COMMD10: variants seen among roughly 807,000 people sequenced by gnomAD.
COMMD10 encodes the protein COMM domain containing 10.
Under a neutral mutation model 28.9 loss-of-function variants are expected in COMMD10, and 33 were observed. The observed-to-expected ratio is 1.14, with a 90% confidence interval of 0.87 to 1.53. The LOEUF (loss-of-function observed/expected upper bound fraction) is 1.53, where lower values mean the gene tolerates loss of function less well. Ranked by LOEUF, COMMD10 falls within the 40% of genes most tolerant of loss-of-function variation. COMMD10 has a pLI of 0.00. For missense variants in COMMD10, 310 were observed against 233.4 expected, an observed-to-expected ratio of 1.33 and a Z score of -2.14; for synonymous variants, 110 against 81.7, an observed-to-expected ratio of 1.35 and a Z score of -1.87.
chr5:116,268,238 T>C (rs250326), intron 5 of COMMD10, among the ~76,000 whole-genome samples: 2 of 151,624 alleles, frequency 1.3e-5, no homozygotes, highest in Non-Finnish European at 2.9e-5. Flanking sequence ...ACAAAGAACT[T>C]AAACAAATTT....
chr5:116,269,890 C>T (rs1252715292), intron 5 of COMMD10, among the ~76,000 whole-genome samples: 2 of 151,692 alleles, frequency 1.3e-5, no homozygotes, highest in African/African-American at 2.4e-5. Context: ...ATTTTTTACC[C>T]CATTTCTGCA....
At chr5:116,152,090 A>G (rs1398575626) in intron 5 of COMMD10, among the ~76,000 whole-genome samples, 3 of 152,048 alleles carry the variant, frequency 2.0e-5, no homozygotes, top group Non-Finnish European at 4.4e-5. Flanking sequence ...GAACATCTTT[A>G]TTTCTGCCTT....
chr5:116,129,811 A>G (rs979094160), intron 4 of COMMD10, among the ~76,000 whole-genome samples: 4 of 145,158 alleles, frequency 2.8e-5, no homozygotes, highest in East Asian at 2.0e-4. Flanking sequence ...TATAATATAT[A>G]TTAGTATATA....
intron 5 of COMMD10, among the ~76,000 whole-genome samples, chr5:116,191,760 C>G (rs115515090): frequency 0.012 from 1,790 of 152,070 alleles, 36 homozygotes; most frequent in African/African-American, 0.04. Context: ...AAGCCCCTGC[C>G]CATTGCTGGT....
intron 5 of COMMD10, among the ~76,000 whole-genome samples, chr5:116,279,071 T>A (rs1448714012): frequency 6.6e-6 from 1 of 151,810 alleles, no homozygotes; most frequent in African/African-American, 2.4e-5. Flanking sequence ...TATGCATGTA[T>A]GCCCTAGGAT....
intron 5 of COMMD10, among the ~76,000 whole-genome samples, chr5:116,204,508 T>G (rs1427587300): frequency 6.6e-6 from 1 of 152,118 alleles, no homozygotes; most frequent in Non-Finnish European, 1.5e-5. Flanking sequence ...ATTAAGAAGA[T>G]TATCTGCCAT....
chr5:116,155,649 T>C (rs2112559291), intron 5 of COMMD10, among the ~76,000 whole-genome samples: 1 of 152,236 alleles, frequency 6.6e-6, no homozygotes, highest in South Asian at 2.1e-4. Flanking sequence ...AATGAGTGCC[T>C]AATTTGAAGA....
intron 5 of COMMD10, among the ~76,000 whole-genome samples, chr5:116,154,809 G>C (rs1264502769): frequency 1.3e-5 from 2 of 150,808 alleles, no homozygotes; most frequent in African/African-American, 4.9e-5. Flanking sequence ...TTAATATACA[G>C]TGGGACCTCG....
intron 5 of COMMD10, among the ~76,000 whole-genome samples, chr5:116,232,476 T>C (rs1749552913): frequency 6.6e-6 from 1 of 152,056 alleles, no homozygotes; most frequent in Non-Finnish European, 1.5e-5. Context: ...GACCTCGGCA[T>C]AAGTGTTCAG....
In COMMD10 at chr5:116,092,655, A is replaced by G. The variant is rs777217887; in HGVS notation, c.354A>G (p.Gln118=). Residue 118 remains glutamine, a synonymous_variant, in exon 4 of 7, where the codon CAA becomes CAG. Transcript: ENST00000274458. ...AFVNTWSSMG[Q]ETVEKFRQRI... is the part of the protein sequence containing the mutation. ...TCAATACGTGGTCTTCTATGGGTCAAGAAACAGTTGAAAAGTTCCGGCAGA... is the reference window on the plus strand; with the variant it reads ...TCAATACGTGGTCTTCTATGGGTCAGGAAACAGTTGAAAAGTTCCGGCAGA... 1.8e-4 allele frequency: 286 copies of G among 1,610,552 alleles called. No homozygotes were observed. The highest frequency in any genetic ancestry group is 2.4e-4 in the Non-Finnish European group (280 of 1,178,312).
intron 5 of COMMD10, among the ~76,000 whole-genome samples, chr5:116,185,644 T>C (rs11954350): frequency 0.31 from 47,640 of 151,918 alleles, 10,356 homozygotes; most frequent in African/African-American, 0.62. Flanking sequence ...GGGTCCTATG[T>C]AAAGAGGGCA....
rs113502076 is a variant in COMMD10 at position 116,192,505 on chromosome 5, C to T, written c.510+58327C>T. ...AAAAATTCAGGAAACTTTGGACAAACTTATAGAAATGTGAAATGCTCTGGA... is the reference window on the plus strand; with the variant it reads ...AAAAATTCAGGAAACTTTGGACAAATTTATAGAAATGTGAAATGCTCTGGA... On this transcript the variant is annotated intron_variant, in intron 5 of 6. Coordinates refer to ENST00000274458, the MANE Select transcript of COMMD10 (RefSeq NM_016144.4). 7.9e-3 allele frequency among the ~76,000 whole-genome samples: 1,208 copies of T among 152,112 alleles called. 15 individuals are homozygous for T. Among genetic ancestry groups the T allele is most frequent in the African/African-American group, 0.027 (1,116 of 41,524 alleles).
At chr5:116,106,922 T>C (rs1750858390) in intron 4 of COMMD10, among the ~76,000 whole-genome samples, 1 of 152,184 alleles carries the variant, frequency 6.6e-6, no homozygotes, top group African/African-American at 2.4e-5. Context: ...GAGTCTTGAC[T>C]CTTTATCCAA....
chr5:116,242,512 G>A (rs1431575523), intron 5 of COMMD10, among the ~76,000 whole-genome samples: 1 of 152,102 alleles, frequency 6.6e-6, no homozygotes, highest in Non-Finnish European at 1.5e-5. Context: ...AGAGAACTGG[G>A]GTTTAGATTG....
intron 5 of COMMD10, among the ~76,000 whole-genome samples, chr5:116,162,235 A>G (rs1177068703): frequency 1.3e-5 from 2 of 152,194 alleles, no homozygotes; most frequent in African/African-American, 4.8e-5. Context: ...GTTATACAGA[A>G]GTTGCATAAT....
At chr5:116,262,512 A>G (rs1422707921) in intron 5 of COMMD10, among the ~76,000 whole-genome samples, 1 of 151,776 alleles carries the variant, frequency 6.6e-6, no homozygotes, top group Admixed American at 6.6e-5. Flanking sequence ...ATCATTAACC[A>G]TTAAAATATG....
intron 4 of COMMD10, among the ~76,000 whole-genome samples, chr5:116,129,914 T>G (rs972037481): frequency 7.3e-5 from 11 of 150,596 alleles, no homozygotes; most frequent in South Asian, 2.1e-4. Flanking sequence ...ATATTTTCTA[T>G]TCATTTAAGC....
At chr5:116,268,705 C>G (rs565283300) in intron 5 of COMMD10, among the ~76,000 whole-genome samples, 1 of 151,852 alleles carries the variant, frequency 6.6e-6, no homozygotes, top group African/African-American at 2.4e-5. Flanking sequence ...CCCAAATGCC[C>G]ATCAGTGATA....
intron 5 of COMMD10, among the ~76,000 whole-genome samples, chr5:116,237,621 G>A (rs1237923718): frequency 6.6e-6 from 1 of 152,106 alleles, no homozygotes; most frequent in Non-Finnish European, 1.5e-5. Context: ...GCTAGCCTGG[G>A]CAACGTATTG....
Sources: allele counts gnomAD v4.1 joint callset (sites outside exome capture counted in the v4.1 genomes callset), GRCh38; gene constraint gnomAD v4.1.1; transcripts MANE v1.5; gene names NCBI Gene and HGNC (gene_info 2026-07-23, HGNC 2026-07-21).